LTBP3: variants seen among roughly 807,000 people sequenced by gnomAD.
LTBP3 encodes latent transforming growth factor beta binding protein 3.
Under a neutral mutation model 159.7 loss-of-function variants are expected in LTBP3, and 97 were observed. That is an observed-to-expected ratio of 0.61 (90% confidence interval 0.52 to 0.72). The LOEUF (loss-of-function observed/expected upper bound fraction) is 0.72. Ranked by LOEUF, LTBP3 falls within the 30% of genes least tolerant of loss-of-function variation. LTBP3 has a pLI of 0.00. For missense variants in LTBP3, 1,584 were observed against 1,864.3 expected, an observed-to-expected ratio of 0.85 and a Z score of 2.77; for synonymous variants, 824 against 777.1, an observed-to-expected ratio of 1.06 and a Z score of -1.00.
intron 10 of LTBP3, 45 bp downstream of exon 10, chr11:65,551,357 A>G: frequency 6.2e-7 from 1 of 1,603,098 alleles, no homozygotes; most frequent in African/African-American, 1.3e-5. Flanking sequence ...CCGCCCACCC[A>G]GTGATTTAGC....
intron 16 of LTBP3, 172 bp from the exon 17 acceptor site, chr11:65,543,721 G>T: frequency 2.5e-6 from 2 of 794,520 alleles, no homozygotes; most frequent in Non-Finnish European, 4.2e-6. Flanking sequence ...GACCAGGTCA[G>T]GTGCTGCCAG....
chr11:65,551,237 G>C lies in LTBP3; in HGVS notation c.1622-13C>G, dbSNP rs1297753552. 6.5e-7 allele frequency: 1 copy of C among 1,542,974 alleles called. No individual in the cohort carries two copies. Among genetic ancestry groups the C allele is most frequent in the Admixed American group, 2.0e-5 (1 of 51,066 alleles). ...CGGGAGATCAGCTCTGCGGGCGGCA[G>C]TGCACTCTGGTCAGAGACGATATTG... On this transcript the variant is annotated splice_polypyrimidine_tract_variant and intron_variant, in intron 10 of 27. Coordinates refer to ENST00000301873, the MANE Select transcript of LTBP3 (RefSeq NM_001130144.3).
chr11:65,553,602 T>G lies in LTBP3; in HGVS notation c.865-72A>C. 6.6e-7 allele frequency: 1 copy of G among 1,509,532 alleles called. No individual in the cohort carries two copies. The highest frequency in any genetic ancestry group is 9.0e-7 in the Non-Finnish European group (1 of 1,105,846). The allele number at this position is 1,509,532 out of a possible 1,614,324, so 93.5% of individuals were successfully genotyped here. ...TGCCGCCTGTTAGGGTTGGGCCTTT[T>G]CCTCTTCCCCCGCCCCTCAGTTTTC... On this transcript the variant is annotated intron_variant, in intron 3 of 27. Transcript: ENST00000301873. The surrounding 1 kb of genome is among the most constrained non-coding windows in gnomAD (Gnocchi z 6.5).
intron 8 of LTBP3, 129 bp downstream of exon 8, chr11:65,551,843 A>G (rs1028111839): frequency 2.1e-5 from 23 of 1,121,448 alleles, no homozygotes; most frequent in Non-Finnish European, 2.7e-5. Context: ...GTCAGGTGGG[A>G]GGTCAGTGGA....
intron 10 of LTBP3, 87 bp from the exon 11 acceptor site, chr11:65,551,311 G>A: frequency 6.5e-7 from 1 of 1,545,280 alleles, no homozygotes; most frequent in South Asian, 1.2e-5. Flanking sequence ...CCCCACCCCA[G>A]CTTGACTGTC....
At chr11:65,542,172 G>A (rs530273346) in intron 18 of LTBP3, 5 of 263,300 alleles carry the variant, frequency 1.9e-5, no homozygotes, top group East Asian at 9.2e-5. Flanking sequence ...CCTTTCCCAT[G>A]CCTAGGGAAC....
At position 65,541,304 on chromosome 11, in the gene LTBP3, GA is replaced by G; in HGVS notation, c.2726-12del. 6.2e-7 allele frequency: 1 copy of G among 1,608,680 alleles called. No homozygotes were observed. The highest frequency in any genetic ancestry group is 1.1e-5 in the South Asian group (1 of 91,032). On this transcript the variant is annotated splice_polypyrimidine_tract_variant and intron_variant, in intron 19 of 27. Coordinates refer to ENST00000301873, the MANE Select transcript of LTBP3 (RefSeq NM_001130144.3). ...GGGGCTGCTCCACCTCTGAGGGGCA[GA>G]CGGCAGCTCAGGGTTGTGCACAGAC...
intron 16 of LTBP3, chr11:65,545,306 C>A: frequency 4.9e-6 from 1 of 205,966 alleles, no homozygotes; most frequent in Non-Finnish European, 9.9e-6. Context: ...CCCAACCCAC[C>A]TTGGGTTGGC....
At chr11:65,545,373 G>A (rs1049988167) in intron 16 of LTBP3, 9 of 224,628 alleles carry the variant, frequency 4.0e-5, no homozygotes, top group Admixed American at 1.7e-4. Context: ...ATCATTCCAG[G>A]TGGGTATGCT....
intron 1 of LTBP3, among the ~76,000 whole-genome samples, chr11:65,555,184 C>G (rs1409765460): frequency 1.3e-5 from 2 of 152,216 alleles, no homozygotes; most frequent in African/African-American, 4.8e-5. Context: ...CCTGGCCACC[C>G]AGACCCCTCC....
rs377021846 is a variant in LTBP3 at position 65,547,718 on chromosome 11, G to A, written c.1950C>T (p.His650=). 2.5e-6 allele frequency: 4 copies of A among 1,606,576 alleles called. No homozygotes were observed. The highest frequency in any genetic ancestry group is 2.2e-5 in the South Asian group (2 of 90,778). ...CGCACGAGCGCCCCCCGGCGCCCAC[G>A]TGCAGGCGGTAGCCGCGGTTGCAGT... The part of the protein sequence containing the change: ...NCHCNRGYRL[H]VGAGGRSCVD... Residue 650 remains histidine, a synonymous_variant, in exon 13 of 28, where the codon CAC becomes CAT. Transcript: ENST00000301873. This position sits in a 1 kb window ranked among gnomAD's most constrained non-coding sequence, Gnocchi z 4.6.
In LTBP3 at chr11:65,547,718, G is replaced by T. The variant is rs377021846; in HGVS notation, c.1950C>A (p.His650Gln). 1.2e-6 allele frequency: 2 copies of T among 1,606,694 alleles called. No homozygotes were observed. Among genetic ancestry groups the T allele is most frequent in the African/African-American group, 2.7e-5 (2 of 74,892 alleles). ...CGCACGAGCGCCCCCCGGCGCCCAC[G>T]TGCAGGCGGTAGCCGCGGTTGCAGT... ...NCHCNRGYRL[H>Q]VGAGGRSCVD... Residue 650 changes from histidine to glutamine, a missense_variant, in exon 13 of 28, where the codon CAC becomes CAA. Transcript: ENST00000301873. The surrounding 1 kb of genome is among the most constrained non-coding windows in gnomAD (Gnocchi z 4.6).
rs1308853041 is a variant in LTBP3, at chr11:65,540,153, T to C, written c.3245A>G (p.Asp1082Gly). The C allele has an allele frequency of 6.5e-7, 1 of 1,533,018 alleles. No homozygotes were observed. 95.0% of individuals were successfully genotyped at this position (1,533,018 alleles called of 1,614,324 possible). ...QRQCLSPEEM[D>G]VDECQDPAAC... ...TGCCGGGTCCTGGCACTCGTCCACG[T>C]CTACGAACAGCGAGGGGGTGGGTGG... The change falls in exon 24 of 28, where the codon GAC becomes GGC. Residue 1082 changes from aspartate (D) to glycine (G), a missense_variant and splice_region_variant. Asp to Gly is a moderately conservative substitution (Grantham distance 94). This residue lies in a region of LTBP3 where 514 missense variants were observed against 530.3 expected (regional missense o/e 0.97). Coordinates refer to ENST00000301873, the MANE Select transcript of LTBP3 (RefSeq NM_001130144.3).
At position 65,552,160 on chromosome 11, in the gene LTBP3, G is replaced by C; in HGVS notation, c.1346-3C>G. 6.2e-7 allele frequency: 1 copy of C among 1,614,144 alleles called. No individual in the cohort carries two copies. Among genetic ancestry groups the C allele is most frequent in the African/African-American group, 1.3e-5 (1 of 75,028 alleles). On this transcript the variant is annotated splice_polypyrimidine_tract_variant and splice_region_variant and intron_variant, in intron 7 of 27. Coordinates refer to ENST00000301873, the MANE Select transcript of LTBP3 (RefSeq NM_001130144.3). This position sits in a 1 kb window ranked among gnomAD's most constrained non-coding sequence, Gnocchi z 6.0. ...TGGGCAGATCTCCTTGAACGCAGCTGCAGTCAAGACAGCAGACACAAAAGT... is the reference window on the plus strand; with the variant it reads ...TGGGCAGATCTCCTTGAACGCAGCTCCAGTCAAGACAGCAGACACAAAAGT...
rs1369138415 is a variant in LTBP3, at chr11:65,553,986, C to T, written c.661+65G>A. 23 of 1,579,202 alleles carry T rather than the reference C, an allele frequency of 1.5e-5. No homozygotes were observed. Among genetic ancestry groups the T allele is most frequent in the Non-Finnish European group, 2.0e-5 (23 of 1,164,886 alleles). On this transcript the variant is annotated intron_variant, in intron 2 of 27. Transcript: ENST00000301873. The surrounding 1 kb of genome is among the most constrained non-coding windows in gnomAD (Gnocchi z 6.5). ...TGAGCTCCTCCAGGGCTGAACCTGC[C>T]CTGCCCTGGCCACCCTAGTGCCCAC...
In LTBP3 at chr11:65,557,854, C is replaced by G. The variant is rs958524215; in HGVS notation, c.106G>C (p.Gly36Arg). Reference sequence around the variant, plus strand: ...CCCCCCTCGACCCTGCCGCCCAGGCCCAGCAGCAGCAGCAGCAGCAGCAGC... The same window carrying G: ...CCCCCCTCGACCCTGCCGCCCAGGCGCAGCAGCAGCAGCAGCAGCAGCAGC... ...LLLLLLLLLLGLGGRVEGGPA... is the reference protein window; with the variant it reads ...LLLLLLLLLLRLGGRVEGGPA... Residue 36 changes from glycine (G) to arginine (R), a missense_variant, in exon 1 of 28, where the codon GGC becomes CGC. Gly to Arg is a moderately radical substitution (Grantham distance 125, BLOSUM62 -2). Transcript: ENST00000301873. 7.6e-7 allele frequency: 1 copy of G among 1,320,154 alleles called. No individual in the cohort carries two copies. Among genetic ancestry groups the G allele is most frequent in the African/African-American group, 1.5e-5 (1 of 64,972 alleles). 81.8% of individuals were successfully genotyped at this position (1,320,154 alleles called of 1,614,324 possible). A position where few individuals can be genotyped will look rare whatever the true frequency, so the allele number is the denominator to read the frequency against.
chr11:65,542,772 G>T, intron 18 of LTBP3: 1 of 365,398 alleles, frequency 2.7e-6, no homozygotes, highest in East Asian at 6.8e-5. Flanking sequence ...ATTAATATCT[G>T]TAAAGAGCTT....
chr11:65,557,121 C>G (rs1027076102), intron 1 of LTBP3, among the ~76,000 whole-genome samples: 1 of 152,168 alleles, frequency 6.6e-6, no homozygotes, highest in Non-Finnish European at 1.5e-5. Context: ...CCTACTCAGA[C>G]CTTGCCAGTA....
Position 65,539,343 on chromosome 11 carries a change from G to C in LTBP3, c.3745C>G (p.Arg1249Gly). 5 of 1,523,492 alleles carry C rather than the reference G, an allele frequency of 3.3e-6. No homozygotes were observed. The highest frequency in any genetic ancestry group is 3.5e-6 in the Non-Finnish European group (4 of 1,132,890). 94.4% of individuals were successfully genotyped at this position (1,523,492 alleles called of 1,614,324 possible). A position where few individuals can be genotyped will look rare whatever the true frequency, so the allele number is the denominator to read the frequency against. ...CPGGFQLDAS[R>G]ARCVDIDECR... ...CCCGGCTCACCCACGCAGCGGGCGC[G>C]GGAGGCGTCGAGCTGGAAGCCGCCG... Residue 1249 changes from arginine to glycine, a missense_variant, in exon 27 of 28, where the codon CGC (arginine) becomes GGC (glycine). Coordinates refer to ENST00000301873, the MANE Select transcript of LTBP3 (RefSeq NM_001130144.3).
Sources: allele counts gnomAD v4.1 joint callset (sites outside exome capture counted in the v4.1 genomes callset), GRCh38; gene constraint gnomAD v4.1.1; regional missense constraint gnomAD v4.1.1; non-coding constraint Gnocchi (gnomAD v3.1); transcripts MANE v1.5; gene names NCBI Gene and HGNC (gene_info 2026-07-23, HGNC 2026-07-21).